LRP1B: variants seen among roughly 807,000 people sequenced by gnomAD.
The protein encoded by LRP1B is low-density lipoprotein receptor-related protein 1B.
Under a neutral mutation model 556.6 loss-of-function variants are expected in LRP1B, and 217 were observed. The ratio of observed to expected loss-of-function variants is 0.39; its 90% CI spans 0.35 to 0.44. The LOEUF is 0.44. Among genes scored for constraint, LRP1B ranks in the 20% least tolerant of loss-of-function variants. The probability of loss-of-function intolerance (pLI) is 1.00; values close to 1 mark genes in which losing one functional copy is unlikely to be tolerated. For synonymous variants in LRP1B, 2,047 were observed against 1,865.8 expected, an observed-to-expected ratio of 1.10 and a Z score of -2.50; for missense variants, 5,053 against 5,620.8, an observed-to-expected ratio of 0.90 and a Z score of 3.23.
chr2:140,741,336 A>G (rs1452626062), intron 35 of LRP1B, among the ~76,000 whole-genome samples: 3 of 152,180 alleles, frequency 2.0e-5, no homozygotes, highest in Admixed American at 6.6e-5. Flanking sequence ...TCAGTATATT[A>G]TATATAATAA....
Position 141,483,231 on chromosome 2 carries a change from C to T in LRP1B, c.206-2698G>A, listed in dbSNP as rs564632925. Among the ~76,000 whole-genome samples, 597 of 149,014 alleles carry T rather than the reference C, an allele frequency of 4.0e-3. 3 individuals are homozygous for T. Among genetic ancestry groups the T allele is most frequent in the African/African-American group, 0.014 (572 of 40,390 alleles). On this transcript the variant is annotated intron_variant, in intron 2 of 90. Transcript: ENST00000389484. Reference sequence around the variant, plus strand: ...TGCGGTGTTTGGTTTTTTGTCCTTGCGATAGTTTGCTGAGAATGATGGTTT... The same window carrying T: ...TGCGGTGTTTGGTTTTTTGTCCTTGTGATAGTTTGCTGAGAATGATGGTTT...
At chr2:141,729,448 A>T (rs1574292869) in intron 2 of LRP1B, among the ~76,000 whole-genome samples, 1 of 152,174 alleles carries the variant, frequency 6.6e-6, no homozygotes, top group African/African-American at 2.4e-5. Context: ...AAGGAGAGCC[A>T]ATTTAAGTTC....
At chr2:141,518,785 C>T (rs149889797) in intron 2 of LRP1B, among the ~76,000 whole-genome samples, 2,213 of 152,110 alleles carry the variant, frequency 0.015, 38 homozygotes, top group African/African-American at 0.045. Context: ...CCTGTCACTA[C>T]TAAAAATTCA....
chr2:142,006,431 C>T (rs1055768264), intron 1 of LRP1B, among the ~76,000 whole-genome samples: 1 of 152,180 alleles, frequency 6.6e-6, no homozygotes. Flanking sequence ...GCTAATAGCA[C>T]ACTAAAAATC....
At chr2:141,624,216 C>A (rs1385624137) in intron 2 of LRP1B, among the ~76,000 whole-genome samples, 2 of 151,780 alleles carry the variant, frequency 1.3e-5, no homozygotes, top group African/African-American at 2.4e-5. Flanking sequence ...TTTTTATTCA[C>A]CCAAACAAAA....
intron 3 of LRP1B, among the ~76,000 whole-genome samples, chr2:141,342,475 C>T (rs1020018148): frequency 4.6e-5 from 7 of 151,784 alleles, no homozygotes; most frequent in African/African-American, 1.7e-4. Flanking sequence ...ATAACACCAA[C>T]TTAAACTCAC....
intron 3 of LRP1B, among the ~76,000 whole-genome samples, chr2:141,368,015 T>A (rs1281580534): frequency 6.6e-6 from 1 of 152,182 alleles, no homozygotes; most frequent in Non-Finnish European, 1.5e-5. Context: ...TACCTCACCA[T>A]GCCATTAAAT....
chr2:140,452,961 G>GTTTTTTTTTTT (rs5834746), intron 62 of LRP1B, among the ~76,000 whole-genome samples: 2 of 126,664 alleles, frequency 1.6e-5, no homozygotes, highest in African/African-American at 2.9e-5. Context: ...GTGTGTGTGT[G>GTTTTTTTTTTT]TTTTTTTTTT....
At chr2:141,161,150 C>A (rs1680016158) in intron 7 of LRP1B, among the ~76,000 whole-genome samples, 1 of 151,876 alleles carries the variant, frequency 6.6e-6, no homozygotes, top group Admixed American at 6.6e-5. Context: ...AAAATTAGTG[C>A]AAAATTTTTT....
At chr2:141,988,771 G>T (rs1702268189) in intron 1 of LRP1B, among the ~76,000 whole-genome samples, 1 of 151,850 alleles carries the variant, frequency 6.6e-6, no homozygotes, top group African/African-American at 2.4e-5. Context: ...ATTTTACCTA[G>T]GTATATTAAC....
chr2:141,433,564 T>G (rs6429880), intron 3 of LRP1B, among the ~76,000 whole-genome samples: 152,001 of 152,226 alleles, frequency 1, 75,888 homozygotes, highest in Non-Finnish European at 1. Flanking sequence ...TGTTGATAGA[T>G]TGTCTGAATT....
intron 43 of LRP1B, among the ~76,000 whole-genome samples, chr2:140,581,765 T>G (rs1208598354): frequency 6.6e-6 from 1 of 152,154 alleles, no homozygotes; most frequent in African/African-American, 2.4e-5. Flanking sequence ...GTTCTCTTTT[T>G]CTCTCCCCCT....
At chr2:141,186,012 G>C (rs2105186038) in intron 7 of LRP1B, among the ~76,000 whole-genome samples, 1 of 143,752 alleles carries the variant, frequency 7.0e-6, no homozygotes, top group African/African-American at 2.6e-5. Context: ...CCTGGAGGCA[G>C]AGGTTGCAGT....
At chr2:141,521,301 ACT>A (rs551243340) in intron 2 of LRP1B, among the ~76,000 whole-genome samples, 1 of 152,196 alleles carries the variant, frequency 6.6e-6, no homozygotes, top group East Asian at 1.9e-4. Context: ...AATCATGGAA[ACT>A]TTTTATCCAC....
chr2:140,439,636 G>A lies in LRP1B; in HGVS notation c.10414+2868C>T, dbSNP rs1686337792. On this transcript the variant is annotated intron_variant, in intron 66 of 90. Transcript: ENST00000389484. ...AAACTAGGCGTTAATAAAATGGGAA[G>A]TTATATATTTAATTTAATTTTTAAA... 2.0e-5 allele frequency among the ~76,000 whole-genome samples: 3 copies of A among 151,940 alleles called. 1 individual carries two copies. The highest frequency in any genetic ancestry group is 2.0e-4 in the Admixed American group (3 of 15,250).
chr2:141,236,708 C>T (rs754015703), intron 5 of LRP1B, among the ~76,000 whole-genome samples: 11 of 152,104 alleles, frequency 7.2e-5, no homozygotes, highest in Non-Finnish European at 1.6e-4. Flanking sequence ...TACACACTGC[C>T]TTCAAATCTA....
chr2:141,637,895 A>G (rs1360932061), intron 2 of LRP1B, among the ~76,000 whole-genome samples: 3 of 152,146 alleles, frequency 2.0e-5, no homozygotes, highest in Non-Finnish European at 4.4e-5. Context: ...TTTTTGCTCA[A>G]TTGGTTCACA....
At chr2:141,259,504 A>G (rs1311240295) in intron 3 of LRP1B, among the ~76,000 whole-genome samples, 3 of 152,198 alleles carry the variant, frequency 2.0e-5, no homozygotes, top group African/African-American at 7.2e-5. Context: ...TGCTTACAGC[A>G]TCCTGACAAT....
rs1014518803 is a variant in LRP1B, at chr2:140,527,501, T to C, written c.7763-1151A>G. ...GTATTTCATAATGTATGGTTCTTAT[T>C]ATATTGAATTGTATCTCAAAATTGC... On this transcript the variant is annotated intron_variant, in intron 47 of 90. Transcript: ENST00000389484. Among the ~76,000 whole-genome samples, 3 of 151,974 alleles carry C rather than the reference T, an allele frequency of 2.0e-5. No homozygotes were observed. In the Admixed American group the frequency reaches 2.0e-4, roughly 10 times the overall value.
Sources: allele counts gnomAD v4.1 joint callset (sites outside exome capture counted in the v4.1 genomes callset), GRCh38; gene constraint gnomAD v4.1.1; transcripts MANE v1.5; gene names NCBI Gene and HGNC (gene_info 2026-07-23, HGNC 2026-07-21).